The following GXYLT2 variants were observed in gnomAD, a reference collection of about 807,000 sequenced individuals.
The protein encoded by GXYLT2 is glucoside xylosyltransferase 2.
In GXYLT2, 53 loss-of-function variants were observed where a neutral mutation model predicts 45.8. The observed-to-expected ratio is 1.16, with a 90% CI of 0.93 to 1.46. GXYLT2 has a LOEUF of 1.46. Ranked by LOEUF, GXYLT2 falls within the 40% of genes most tolerant of loss-of-function variation. The pLI, the probability that GXYLT2 is intolerant of heterozygous loss-of-function variation, is 0.00. For synonymous variants in GXYLT2, 219 were observed against 214.2 expected, an observed-to-expected ratio of 1.02 and a Z score of -0.19; for missense variants, 551 against 544.4, an observed-to-expected ratio of 1.01 and a Z score of -0.12.
chr3:72,895,801 T>G (rs1448774003), intron 1 of GXYLT2, among the ~76,000 whole-genome samples: 2 of 152,230 alleles, frequency 1.3e-5, no homozygotes, highest in Non-Finnish European at 2.9e-5. Flanking sequence ...CATTGGGAGT[T>G]GCTGATTTTG....
intron 2 of GXYLT2, among the ~76,000 whole-genome samples, 175 bp downstream of exon 2, chr3:72,908,734 G>C (rs897386246): frequency 4.6e-5 from 7 of 152,152 alleles, no homozygotes; most frequent in African/African-American, 1.7e-4. Flanking sequence ...CTACCTCATA[G>C]AGACATGGTG....
In GXYLT2 at chr3:72,908,355, C is replaced by T. The variant is rs1386105983; in HGVS notation, c.276-12C>T. ...TTTAGTAATAGCTTTCACTTGTTTT[C>T]CCTCTTTCTAGGAGGCCTGGAGAAC... On this transcript the variant is annotated splice_polypyrimidine_tract_variant and intron_variant, in intron 1 of 6. Transcript: ENST00000389617. The T allele has an allele frequency of 1.3e-6, 2 of 1,566,014 alleles. No homozygotes were observed. The highest frequency in any genetic ancestry group is 1.7e-6 in the Non-Finnish European group (2 of 1,161,616).
chr3:72,957,498 C>T (rs375446826), intron 5 of GXYLT2, 146 bp downstream of exon 5: 15 of 775,224 alleles, frequency 1.9e-5, no homozygotes, highest in African/African-American at 1.4e-4. Flanking sequence ...CCCTTTCATC[C>T]GCCCCCCTGG....
intron 5 of GXYLT2, among the ~76,000 whole-genome samples, chr3:72,964,676 C>T (rs1355548548): frequency 6.6e-6 from 1 of 152,196 alleles, no homozygotes; most frequent in East Asian, 1.9e-4. Flanking sequence ...CAAAAACTCT[C>T]ATCACTAATC....
intron 1 of GXYLT2, among the ~76,000 whole-genome samples, chr3:72,891,290 C>T (rs902951458): frequency 9.9e-5 from 15 of 152,132 alleles, no homozygotes; most frequent in African/African-American, 3.6e-4. Context: ...CAGTCCACCA[C>T]CTGCTTACCA....
intron 3 of GXYLT2, among the ~76,000 whole-genome samples, chr3:72,924,879 T>G (rs1263952536): frequency 6.6e-6 from 1 of 152,072 alleles, no homozygotes; most frequent in Non-Finnish European, 1.5e-5. Context: ...AAGAAATAAA[T>G]GGCAGAATCA....
chr3:72,899,970 A>G (rs1709371441), intron 1 of GXYLT2, among the ~76,000 whole-genome samples: 1 of 152,208 alleles, frequency 6.6e-6, no homozygotes, highest in African/African-American at 2.4e-5. Context: ...GCGATTTTCC[A>G]TCCAACTTAC....
chr3:72,933,286 A>G (rs1042798627), intron 3 of GXYLT2, among the ~76,000 whole-genome samples: 1 of 152,238 alleles, frequency 6.6e-6, no homozygotes, highest in African/African-American at 2.4e-5. Context: ...TAACGCTCCT[A>G]TTAAAACATC....
intron 1 of GXYLT2, among the ~76,000 whole-genome samples, chr3:72,907,648 A>G (rs1709537370): frequency 6.6e-6 from 1 of 152,040 alleles, no homozygotes; most frequent in Non-Finnish European, 1.5e-5. Flanking sequence ...CTGTTGACTC[A>G]ATATTTGATA....
chr3:72,906,501 A>G (rs745472685), intron 1 of GXYLT2, among the ~76,000 whole-genome samples: 7 of 152,162 alleles, frequency 4.6e-5, no homozygotes, highest in Non-Finnish European at 1.0e-4. Flanking sequence ...CTAGCTTTCT[A>G]TATAAATTAT....
chr3:72,915,401 A>T (rs1709721307), intron 2 of GXYLT2, among the ~76,000 whole-genome samples: 1 of 129,576 alleles, frequency 7.7e-6, no homozygotes, highest in African/African-American at 2.9e-5. Context: ...GAAAGAGATG[A>T]TAAGGTATTC....
chr3:72,939,488 A>G (rs1049775401), intron 3 of GXYLT2, among the ~76,000 whole-genome samples: 1 of 152,128 alleles, frequency 6.6e-6, no homozygotes, highest in Non-Finnish European at 1.5e-5. Flanking sequence ...TAGCAACATT[A>G]TTTTCCAAGT....
chr3:72,954,645 T>TAAATAAATAAAC (rs1710599266), intron 3 of GXYLT2, among the ~76,000 whole-genome samples: 1 of 146,176 alleles, frequency 6.8e-6, no homozygotes, highest in Non-Finnish European at 1.5e-5. Context: ...CAAAAATAAA[T>TAAATAAATAAAC]AAATAAATAA....
intron 3 of GXYLT2, among the ~76,000 whole-genome samples, chr3:72,951,762 C>T (rs1710530569): frequency 6.6e-6 from 1 of 152,124 alleles, no homozygotes; most frequent in South Asian, 2.1e-4. Context: ...CAGAATTCTT[C>T]CTAATTTTGA....
In GXYLT2 at chr3:72,959,969, G is replaced by A. The variant is rs559100256; in HGVS notation, c.976+2617G>A. 3.3e-5 allele frequency among the ~76,000 whole-genome samples: 5 copies of A among 151,776 alleles called. No homozygotes were observed. In the East Asian group the frequency reaches 7.7e-4, roughly 24 times the overall value. On this transcript the variant is annotated intron_variant, in intron 5 of 6. Coordinates refer to ENST00000389617, the MANE Select transcript of GXYLT2 (RefSeq NM_001080393.2). The stretch of plus-strand genomic sequence containing the variant: ...TTTGTTTGTTTGTTTGTTTTGAGAC[G>A]GAATCTCACTCTGTCACCCAGGCTG...
chr3:72,895,755 C>G (rs964498078), intron 1 of GXYLT2, among the ~76,000 whole-genome samples: 1 of 152,142 alleles, frequency 6.6e-6, no homozygotes, highest in African/African-American at 2.4e-5. Flanking sequence ...TCCGAAAACT[C>G]CTCTTGGAAA....
At chr3:72,916,202 T>C (rs1215249845) in intron 2 of GXYLT2, among the ~76,000 whole-genome samples, 3 of 150,816 alleles carry the variant, frequency 2.0e-5, no homozygotes, top group Non-Finnish European at 2.9e-5. Flanking sequence ...GCATCTGCGT[T>C]CACTGATGTG....
chr3:72,928,859 C>T (rs1231197959), intron 3 of GXYLT2, among the ~76,000 whole-genome samples: 2 of 152,182 alleles, frequency 1.3e-5, no homozygotes, highest in African/African-American at 4.8e-5. Context: ...CGTTCCTCGC[C>T]GGGAGTCGTC....
chr3:72,900,855 T>G (rs370444225), intron 1 of GXYLT2, among the ~76,000 whole-genome samples: 4 of 152,300 alleles, frequency 2.6e-5, no homozygotes, highest in Admixed American at 6.5e-5. Flanking sequence ...CAAGTACATT[T>G]TAAAAGTATA....
Sources: allele counts gnomAD v4.1 joint callset (sites outside exome capture counted in the v4.1 genomes callset), GRCh38; gene constraint gnomAD v4.1.1; transcripts MANE v1.5; gene names NCBI Gene and HGNC (gene_info 2026-07-23, HGNC 2026-07-21).